Variants in LRMDA observed in about 807,000 individuals in gnomAD.
The protein encoded by LRMDA is leucine rich melanocyte differentiation associated, also known as leucine-rich melanocyte differentiation-associated protein.
A neutral mutation model predicts 29.8 loss-of-function variants in LRMDA; 18 were observed. The observed-to-expected ratio is 0.60, with a 90% CI of 0.42 to 0.90. LRMDA has a LOEUF of 0.90. LRMDA is among the 40% of genes least tolerant of loss of function. The pLI is 0.00. For missense variants in LRMDA, 273 were observed against 273.9 expected (o/e 1.00, Z 0.02); for synonymous variants, 125 against 109.4 (o/e 1.14, Z -0.89).
intron 5 of LRMDA, among the ~76,000 whole-genome samples, chr10:76,186,320 A>G (rs1335162419): frequency 6.6e-6 from 1 of 152,234 alleles, no homozygotes; most frequent in African/African-American, 2.4e-5. Context: ...CTTGGTAGAA[A>G]AAGGCAGAGG....
intron 2 of LRMDA, among the ~76,000 whole-genome samples, chr10:75,485,035 T>G (rs544103608): frequency 3.5e-4 from 53 of 152,360 alleles, no homozygotes; most frequent in Middle Eastern, 3.4e-3. Context: ...TTGTTATCCA[T>G]TCTTTGAAGG....
At chr10:76,047,124 C>G (rs766692456) in intron 3 of LRMDA, 40 bp from the exon 4 acceptor site, 9 of 1,612,032 alleles carry the variant, frequency 5.6e-6, no homozygotes, top group East Asian at 2.2e-5. Context: ...CATTGCTAAG[C>G]CTTTTGTCTT....
intron 2 of LRMDA, among the ~76,000 whole-genome samples, chr10:75,995,546 T>G (rs575736992): frequency 2.0e-5 from 3 of 152,312 alleles, no homozygotes; most frequent in Middle Eastern, 3.4e-3. Flanking sequence ...AAGTCAACAG[T>G]TTTCCTCTTT....
chr10:76,452,935 T>A (rs990446830), intron 6 of LRMDA, among the ~76,000 whole-genome samples: 2 of 152,210 alleles, frequency 1.3e-5, no homozygotes, highest in Non-Finnish European at 2.9e-5. Context: ...TACTGGACAG[T>A]AAACTTTGTG....
intron 2 of LRMDA, among the ~76,000 whole-genome samples, chr10:75,862,210 ACG>A (rs1554830429): frequency 1.8e-4 from 27 of 151,262 alleles, no homozygotes; most frequent in African/African-American, 6.3e-4. Context: ...ACACACACAC[ACG>A]CACTTAAGTC....
intron 6 of LRMDA, among the ~76,000 whole-genome samples, chr10:76,553,635 T>C (rs1843521299): frequency 6.6e-6 from 1 of 152,228 alleles, no homozygotes; most frequent in African/African-American, 2.4e-5. Context: ...CATGGGACTG[T>C]GCTGTTTCGT....
chr10:76,467,950 A>C (rs551816912), intron 6 of LRMDA, among the ~76,000 whole-genome samples: 4 of 152,284 alleles, frequency 2.6e-5, no homozygotes, highest in African/African-American at 9.6e-5. Context: ...TAAATTGATA[A>C]ATTCAGCTGA....
At chr10:75,964,606 A>G (rs1846824687) in intron 2 of LRMDA, among the ~76,000 whole-genome samples, 1 of 152,216 alleles carries the variant, frequency 6.6e-6, no homozygotes, top group Non-Finnish European at 1.5e-5. Flanking sequence ...TTCTATGACC[A>G]TAAAGCAGAT....
intron 6 of LRMDA, among the ~76,000 whole-genome samples, chr10:76,534,204 CAG>C (rs1843267804): frequency 1.3e-5 from 2 of 152,128 alleles, no homozygotes; most frequent in Non-Finnish European, 2.9e-5. Context: ...ATCATAATAT[CAG>C]AGATTGCTTT....
Position 75,995,634 on chromosome 10 carries a change from A to G in LRMDA, c.132-40374A>G, listed in dbSNP as rs1387070854. ...CACTCTAGGCTTATATAGCTGGGAT[A>G]AGAAGAAACAATAAGGATAAATGTG... is the stretch of plus-strand genomic sequence containing the variant. On this transcript the variant is annotated intron_variant, in intron 2 of 6. Coordinates refer to ENST00000611255, the MANE Select transcript of LRMDA (RefSeq NM_001305581.2). 3.3e-5 allele frequency among the ~76,000 whole-genome samples: 5 copies of G among 152,244 alleles called. 1 individual carries two copies. The South Asian group carries it at 8.3e-4, about 25-fold the overall frequency.
intron 2 of LRMDA, among the ~76,000 whole-genome samples, chr10:75,719,512 G>T (rs1842540837): frequency 6.6e-6 from 1 of 152,354 alleles, no homozygotes; most frequent in East Asian, 1.9e-4. Context: ...TTGTTTCTTA[G>T]TCGTAGAGTA....
intron 5 of LRMDA, among the ~76,000 whole-genome samples, chr10:76,244,884 G>A (rs138206513): frequency 9.2e-5 from 14 of 152,290 alleles, no homozygotes; most frequent in Admixed American, 2.6e-4. Context: ...TGAGAACGAT[G>A]AGAAAAAGAA....
In LRMDA at chr10:75,697,834, A is replaced by AGTGTGTGTGTGTGTGTGTGTGTGT. The variant is rs377639647; in HGVS notation, c.131+259357_131+259358insTGTGTGTGTGTGTGTGTGTGTGTG. ...TCTCTCTGTATTATGTGCATGTAAG[A>AGTGTGTGTGTGTGTGTGTGTGTGT]GTGTGTGTGTGTGTGTGCGTGTGTG... On this transcript the variant is annotated intron_variant, in intron 2 of 6. Coordinates refer to ENST00000611255, the MANE Select transcript of LRMDA (RefSeq NM_001305581.2). Among the ~76,000 whole-genome samples, 176 of 132,138 alleles carry AGTGTGTGTGTGTGTGTGTGTGTGT rather than the reference A, an allele frequency of 1.3e-3. 1 individual carries two copies. Among genetic ancestry groups the AGTGTGTGTGTGTGTGTGTGTGTGT allele is most frequent in the African/African-American group, 5.0e-3 (161 of 32,178 alleles). 86.7% of individuals were successfully genotyped at this position (132,138 alleles called of 152,430 possible).
intron 2 of LRMDA, among the ~76,000 whole-genome samples, chr10:75,539,355 CAGTA>C (rs1839988432): frequency 6.6e-6 from 1 of 152,152 alleles, no homozygotes; most frequent in South Asian, 2.1e-4. Flanking sequence ...TGGTTGCTTT[CAGTA>C]AGTGTTACTT....
intron 2 of LRMDA, among the ~76,000 whole-genome samples, chr10:75,704,764 G>A (rs140334677): frequency 0.012 from 1,828 of 152,308 alleles, 25 homozygotes; most frequent in African/African-American, 0.042. Context: ...GGTGGGTCCA[G>A]GTCTCAGCCC....
intron 6 of LRMDA, among the ~76,000 whole-genome samples, chr10:76,495,759 A>T (rs1241776317): frequency 6.6e-6 from 1 of 151,890 alleles, no homozygotes; most frequent in Admixed American, 6.6e-5. Flanking sequence ...TATTTCATGT[A>T]TTTGGGTAAT....
At chr10:76,072,679 T>G (rs1280962317) in intron 5 of LRMDA, among the ~76,000 whole-genome samples, 1 of 152,134 alleles carries the variant, frequency 6.6e-6, no homozygotes, top group Non-Finnish European at 1.5e-5. Context: ...AAGGACATAT[T>G]TGGTTCAGGG....
At chr10:76,112,264 G>A (rs185162121) in intron 5 of LRMDA, among the ~76,000 whole-genome samples, 35 of 152,302 alleles carry the variant, frequency 2.3e-4, no homozygotes, top group African/African-American at 7.0e-4. Context: ...GGCTCTGGGT[G>A]GGGGGTTCAT....
chr10:75,730,602 C>T (rs902324938), intron 2 of LRMDA, among the ~76,000 whole-genome samples: 4 of 152,184 alleles, frequency 2.6e-5, no homozygotes, highest in Admixed American at 2.6e-4. Flanking sequence ...ATCCTACTTC[C>T]TGTCACTCCA....
Sources: gnomAD v4.1 joint callset for allele counts (sites outside exome capture counted in the v4.1 genomes callset) on GRCh38, gnomAD v4.1.1 for gene constraint, MANE v1.5 for transcripts, NCBI Gene and HGNC (gene_info 2026-07-23, HGNC 2026-07-21) for gene names.